The following WWOX variants were observed in gnomAD, a reference collection of about 807,000 sequenced individuals.
WWOX encodes WW domain-containing oxidoreductase.
In WWOX, 69 loss-of-function variants were observed where a neutral mutation model predicts 46.2. The observed-to-expected ratio is 1.49, with a 90% CI of 1.23 to 1.82. The LOEUF is 1.82. Ranked by LOEUF, WWOX falls within the 40% of genes most tolerant of loss-of-function variation. The pLI, the probability that WWOX is intolerant of heterozygous loss-of-function variation, is 0.00. For missense variants in WWOX, 919 were observed against 542.6 expected (o/e 1.69, Z -6.89); for synonymous variants, 359 against 202.6 (o/e 1.77, Z -6.56).
intron 8 of WWOX, among the ~76,000 whole-genome samples, chr16:78,995,922 C>A (rs1452173414): frequency 2.0e-5 from 3 of 152,176 alleles, no homozygotes; most frequent in Non-Finnish European, 4.4e-5. Flanking sequence ...GTTTATACCT[C>A]TGTGACAGTT....
intron 7 of WWOX, among the ~76,000 whole-genome samples, chr16:78,427,821 C>T (rs1057373568): frequency 1.3e-5 from 2 of 151,654 alleles, no homozygotes; most frequent in Admixed American, 1.3e-4. Flanking sequence ...GCAGTATAGG[C>T]CAGGCACAGT....
rs138806967 is a variant in WWOX at position 78,594,429 on chromosome 16, G to GCCCCCCCCC, written c.1056+161685_1056+161693dup. ...TCTTGACGAAGAAGACTGAGGAAAG[G>GCCCCCCCCC]CCCCCCCCCCCCCCCCGCCAAATTG... On this transcript the variant is annotated intron_variant, in intron 8 of 8. Transcript: ENST00000566780. 5.1e-3 allele frequency among the ~76,000 whole-genome samples: 164 copies of GCCCCCCCCC among 32,394 alleles called. 8 individuals are homozygous for GCCCCCCCCC. Among genetic ancestry groups the GCCCCCCCCC allele is most frequent in the Non-Finnish European group, 5.6e-3 (106 of 19,084 alleles). 21.3% of individuals were successfully genotyped at this position (32,394 alleles called of 152,430 possible).
chr16:78,788,596 G>A (rs2050514790), intron 8 of WWOX, among the ~76,000 whole-genome samples: 1 of 152,190 alleles, frequency 6.6e-6, no homozygotes, highest in Non-Finnish European at 1.5e-5. Context: ...AAAGCTCCAT[G>A]CCCCTACCCC....
chr16:78,779,688 A>G (rs1367573708), intron 8 of WWOX, among the ~76,000 whole-genome samples: 2 of 152,212 alleles, frequency 1.3e-5, no homozygotes, highest in African/African-American at 4.8e-5. Context: ...TGCGACTGGG[A>G]TCACCACAGC....
chr16:78,930,891 C>T (rs935501484), intron 8 of WWOX, among the ~76,000 whole-genome samples: 9 of 152,086 alleles, frequency 5.9e-5, no homozygotes, highest in Admixed American at 4.6e-4. Flanking sequence ...GTAACATGGG[C>T]TTTGTGGTCA....
At chr16:78,480,032 C>G (rs921182483) in intron 8 of WWOX, among the ~76,000 whole-genome samples, 1 of 152,152 alleles carries the variant, frequency 6.6e-6, no homozygotes, top group South Asian at 2.1e-4. Context: ...CATACCTTCT[C>G]GAAGGCAACT....
At chr16:78,361,636 A>T (rs767098688) in intron 5 of WWOX, among the ~76,000 whole-genome samples, 5 of 151,942 alleles carry the variant, frequency 3.3e-5, no homozygotes, top group Non-Finnish European at 7.4e-5. Context: ...GTTGAGACAA[A>T]GTTTCACTCC....
chr16:78,320,586 C>T (rs2080446205), intron 5 of WWOX, among the ~76,000 whole-genome samples: 3 of 152,068 alleles, frequency 2.0e-5, no homozygotes, highest in South Asian at 2.1e-4. Context: ...AGTCAACTTA[C>T]CTCTTGGCCA....
At chr16:78,945,956 C>T (rs1249093280) in intron 8 of WWOX, among the ~76,000 whole-genome samples, 1 of 152,112 alleles carries the variant, frequency 6.6e-6, no homozygotes, top group East Asian at 1.9e-4. Context: ...TCCGTCTCTT[C>T]AGGCTAATAA....
At chr16:78,236,358 G>A (rs1053547064) in intron 5 of WWOX, among the ~76,000 whole-genome samples, 8 of 152,184 alleles carry the variant, frequency 5.3e-5, no homozygotes, top group African/African-American at 2.4e-5. Context: ...GAGATTTGAG[G>A]CCTCTGAAGA....
intron 8 of WWOX, among the ~76,000 whole-genome samples, chr16:78,894,721 G>T (rs918580327): frequency 6.6e-6 from 1 of 152,148 alleles, no homozygotes; most frequent in Admixed American, 6.5e-5. Context: ...GGAAGGCCAC[G>T]TTGCAATTAA....
chr16:79,207,427 C>G (rs1466455139), intron 8 of WWOX, among the ~76,000 whole-genome samples: 1 of 152,238 alleles, frequency 6.6e-6, no homozygotes, highest in Non-Finnish European at 1.5e-5. Context: ...GGGCTGTTCT[C>G]CTTCCCTGCT....
intron 8 of WWOX, among the ~76,000 whole-genome samples, chr16:78,634,662 C>T (rs889411498): frequency 6.0e-5 from 9 of 149,492 alleles, no homozygotes; most frequent in East Asian, 2.0e-4. Flanking sequence ...GCCAAGATTG[C>T]GCCACTGCAC....
At chr16:78,916,847 T>C (rs1219444973) in intron 8 of WWOX, among the ~76,000 whole-genome samples, 1 of 152,220 alleles carries the variant, frequency 6.6e-6, no homozygotes, top group Non-Finnish European at 1.5e-5. Flanking sequence ...ACCCTTTCGA[T>C]AGCAAGTAGA....
At chr16:78,104,231 A>AACAC (rs376622174) in intron 1 of WWOX, among the ~76,000 whole-genome samples, 22,526 of 129,926 alleles carry the variant, frequency 0.17, 2,201 homozygotes, top group East Asian at 0.23. Flanking sequence ...CTGTGCTCAA[A>AACAC]ACACACACAC....
chr16:78,833,676 G>A (rs949225190), intron 8 of WWOX, among the ~76,000 whole-genome samples: 1 of 152,188 alleles, frequency 6.6e-6, no homozygotes, highest in African/African-American at 2.4e-5. Flanking sequence ...TCTATATGGT[G>A]CTTAGAGATT....
chr16:78,853,177 C>T (rs2052489267), intron 8 of WWOX, among the ~76,000 whole-genome samples: 1 of 152,126 alleles, frequency 6.6e-6, no homozygotes, highest in Non-Finnish European at 1.5e-5. Context: ...CATGTATAGC[C>T]ATGGCAAATG....
intron 5 of WWOX, among the ~76,000 whole-genome samples, chr16:78,190,065 A>G (rs925994251): frequency 6.6e-6 from 1 of 152,190 alleles, no homozygotes; most frequent in Non-Finnish European, 1.5e-5. Context: ...TAATAGCTCC[A>G]TCTTAGGAAC....
At chr16:79,106,582 A>ATTTTTTTTTTTTTTTTTTTTTTTTTTTT (rs752318131) in intron 8 of WWOX, 5 of 79,512 alleles carry the variant, frequency 6.3e-5, no homozygotes, top group African/African-American at 2.1e-4. Flanking sequence ...TCTTAAAATA[A>ATTTTTTTTTTTTTTTTTTTTTTTTTTTT]TTTTTTTTTT....
Sources: gnomAD v4.1 joint callset for allele counts (sites outside exome capture counted in the v4.1 genomes callset) on GRCh38, gnomAD v4.1.1 for gene constraint, MANE v1.5 for transcripts, NCBI Gene and HGNC (gene_info 2026-07-23, HGNC 2026-07-21) for gene names.